CAMKMT: variants seen among roughly 807,000 people sequenced by gnomAD.
CAMKMT encodes calmodulin-lysine N-methyltransferase, also known as CaM KMT.
A neutral mutation model predicts 48.0 loss-of-function variants in CAMKMT; 53 were observed. That is an observed-to-expected ratio of 1.10 (90% CI 0.89 to 1.39). The LOEUF (loss-of-function observed/expected upper bound fraction) is 1.39. Ranked by LOEUF, CAMKMT falls within the 40% of genes most tolerant of loss-of-function variation. The pLI is 0.00. For synonymous variants in CAMKMT, 165 were observed against 152.3 expected (o/e 1.08, Z -0.61); for missense variants, 428 against 402.7 (o/e 1.06, Z -0.54).
At chr2:44,718,310 C>T (rs1401354770) in intron 7 of CAMKMT, among the ~76,000 whole-genome samples, 1 of 152,172 alleles carries the variant, frequency 6.6e-6, no homozygotes, top group African/African-American at 2.4e-5. Flanking sequence ...TGGTGAAAGT[C>T]TGGAAGCCTT....
chr2:44,614,461 A>T (rs1279394270), intron 3 of CAMKMT, among the ~76,000 whole-genome samples: 2 of 152,240 alleles, frequency 1.3e-5, no homozygotes, highest in Non-Finnish European at 2.9e-5. Flanking sequence ...TTCCAGGCAC[A>T]TGGAAGATGC....
At chr2:44,762,681 G>A (rs553869243) in intron 9 of CAMKMT, among the ~76,000 whole-genome samples, 3 of 152,200 alleles carry the variant, frequency 2.0e-5, no homozygotes, top group African/African-American at 7.2e-5. Flanking sequence ...AAATAAATCT[G>A]AAGCATACCA....
intron 3 of CAMKMT, among the ~76,000 whole-genome samples, chr2:44,674,210 T>TA (rs1675536175): frequency 6.6e-6 from 1 of 152,236 alleles, no homozygotes. Flanking sequence ...CAACTCATTA[T>TA]TGTTTGAATG....
At chr2:44,394,944 A>G (rs1380227441) in intron 3 of CAMKMT, 1 of 455,108 alleles carries the variant, frequency 2.2e-6, no homozygotes, top group African/African-American at 2.0e-5. Context: ...TGATTGCTTG[A>G]GCCCAAGAAT....
intron 7 of CAMKMT, among the ~76,000 whole-genome samples, chr2:44,729,926 A>G (rs1678991525): frequency 6.6e-6 from 1 of 152,162 alleles, no homozygotes; most frequent in Admixed American, 6.5e-5. Flanking sequence ...AGGAATGTGT[A>G]TTTCAACAGA....
intron 3 of CAMKMT, among the ~76,000 whole-genome samples, chr2:44,518,520 AAT>A (rs1272529407): frequency 6.6e-5 from 10 of 152,232 alleles, no homozygotes; most frequent in African/African-American, 2.4e-4. Context: ...TACAGATAAA[AAT>A]AGACTTTTGA....
At position 44,544,159 on chromosome 2, in the gene CAMKMT, A is replaced by G. The variant is rs149503575; in HGVS notation, c.376+153854A>G. On this transcript the variant is annotated intron_variant, in intron 3 of 10. Transcript: ENST00000378494. Reference sequence around the variant, plus strand: ...CATTTAAATTTTGGTATTATGTTAAATACATCCCATGTTTATACCTAAAAT... The same window carrying G: ...CATTTAAATTTTGGTATTATGTTAAGTACATCCCATGTTTATACCTAAAAT... Among the ~76,000 whole-genome samples, 516 of 152,034 alleles carry G rather than the reference A, an allele frequency of 3.4e-3. 5 individuals are homozygous for G. The highest frequency in any genetic ancestry group is 0.016 in the South Asian group (75 of 4,818).
rs149147492 is a variant in CAMKMT at position 44,514,788 on chromosome 2, G to A, written c.376+124483G>A. Among the ~76,000 whole-genome samples, 134 of 152,266 alleles carry A rather than the reference G, an allele frequency of 8.8e-4. 2 individuals are homozygous for A. The East Asian group carries it at 0.017, about 19-fold the overall frequency. ...AAATGCAAGGTCAATTATATGCAAC[G>A]GTTGTTGCTATAGCAATGATATTCG... On this transcript the variant is annotated intron_variant, in intron 3 of 10. Transcript: ENST00000378494.
intron 3 of CAMKMT, among the ~76,000 whole-genome samples, chr2:44,471,318 T>G (rs1668406452): frequency 6.6e-6 from 1 of 152,118 alleles, no homozygotes; most frequent in South Asian, 2.1e-4. Flanking sequence ...GCTGTTTGCT[T>G]TTAATGCTTT....
At chr2:44,509,587 A>G (rs1313404934) in intron 3 of CAMKMT, among the ~76,000 whole-genome samples, 1 of 152,158 alleles carries the variant, frequency 6.6e-6, no homozygotes, top group Non-Finnish European at 1.5e-5. Context: ...AAGTTTTAAA[A>G]TAAGTATAAT....
intron 3 of CAMKMT, among the ~76,000 whole-genome samples, chr2:44,479,041 A>G (rs1301704933): frequency 6.6e-6 from 1 of 152,216 alleles, no homozygotes; most frequent in Non-Finnish European, 1.5e-5. Context: ...CATCCTTGGT[A>G]CATATTGCTA....
intron 3 of CAMKMT, among the ~76,000 whole-genome samples, chr2:44,489,546 G>T (rs1022259273): frequency 2.0e-5 from 3 of 151,838 alleles, no homozygotes; most frequent in Non-Finnish European, 4.4e-5. Flanking sequence ...GCGCCTGGCC[G>T]GAATACTTTT....
At chr2:44,408,796 T>C (rs1682962019) in intron 3 of CAMKMT, among the ~76,000 whole-genome samples, 1 of 151,862 alleles carries the variant, frequency 6.6e-6, no homozygotes, top group South Asian at 2.1e-4. Context: ...GGCCAGAGTA[T>C]AGTGGCATGA....
At chr2:44,514,684 T>C (rs1225965720) in intron 3 of CAMKMT, among the ~76,000 whole-genome samples, 1 of 152,188 alleles carries the variant, frequency 6.6e-6, no homozygotes, top group African/African-American at 2.4e-5. Flanking sequence ...TTCCAGCTCC[T>C]AGACTAGGGC....
intron 3 of CAMKMT, among the ~76,000 whole-genome samples, chr2:44,466,364 A>G (rs1668112501): frequency 6.6e-6 from 1 of 152,222 alleles, no homozygotes; most frequent in African/African-American, 2.4e-5. Flanking sequence ...AGAAATCAAC[A>G]TCAAAAGGGA....
intron 3 of CAMKMT, among the ~76,000 whole-genome samples, chr2:44,656,173 TTATCTACAA>T (rs1674365850): frequency 6.6e-6 from 1 of 152,230 alleles, no homozygotes; most frequent in Admixed American, 6.5e-5. Flanking sequence ...TGATTTCAAG[TTATCTACAA>T]GTAGTTTTGG....
intron 3 of CAMKMT, among the ~76,000 whole-genome samples, chr2:44,624,999 C>G (rs902067116): frequency 6.6e-6 from 1 of 152,056 alleles, no homozygotes; most frequent in African/African-American, 2.4e-5. Flanking sequence ...TGTTTCCTGA[C>G]TTTCTAATGA....
At chr2:44,553,420 G>A (rs1433428495) in intron 3 of CAMKMT, among the ~76,000 whole-genome samples, 1 of 150,980 alleles carries the variant, frequency 6.6e-6, no homozygotes, top group African/African-American at 2.4e-5. Context: ...GAGTGCAGTA[G>A]CGCAATCTTG....
chr2:44,546,834 T>C (rs923890000), intron 3 of CAMKMT, among the ~76,000 whole-genome samples: 2 of 152,220 alleles, frequency 1.3e-5, no homozygotes, highest in Non-Finnish European at 1.5e-5. Context: ...TTTTTCTCAC[T>C]TAATTTTCCC....
Sources: gnomAD v4.1 joint callset for allele counts (sites outside exome capture counted in the v4.1 genomes callset) on GRCh38, gnomAD v4.1.1 for gene constraint, MANE v1.5 for transcripts, NCBI Gene and HGNC (gene_info 2026-07-23, HGNC 2026-07-21) for gene names.